TNNI3K: variants seen among roughly 807,000 people sequenced by gnomAD.
TNNI3K encodes TNNI3 interacting kinase.
TNNI3K carries 140 observed loss-of-function variants against 114.5 expected under a neutral mutation model. That is an observed-to-expected ratio of 1.22 (90% CI 1.07 to 1.41). The LOEUF (loss-of-function observed/expected upper bound fraction) is 1.41, where lower values mean the gene tolerates loss of function less well. TNNI3K is among the 40% of genes most tolerant of loss of function. The pLI, the probability that TNNI3K is intolerant of heterozygous loss-of-function variation, is 0.00. For synonymous variants in TNNI3K, 347 were observed against 347.5 expected (o/e 1.00, Z 0.02); for missense variants, 1,125 against 1,007.6 (o/e 1.12, Z -1.58).
chr1:74,354,794 T>A (rs892886707), intron 11 of TNNI3K, among the ~76,000 whole-genome samples: 1 of 152,206 alleles, frequency 6.6e-6, no homozygotes, highest in African/African-American at 2.4e-5. Flanking sequence ...TTAAATGAGA[T>A]AATATACGCA....
chr1:74,373,743 C>G (rs1243232655), intron 17 of TNNI3K: 1 of 151,782 alleles, frequency 6.6e-6, no homozygotes, highest in African/African-American at 2.4e-5. Flanking sequence ...GATGTTTGAG[C>G]CCACGGGATG....
chr1:74,242,881 C>G (rs1654331365), intron 2 of TNNI3K, among the ~76,000 whole-genome samples: 1 of 151,676 alleles, frequency 6.6e-6, no homozygotes, highest in Non-Finnish European at 1.5e-5. Flanking sequence ...CCCTATTGTT[C>G]TCCCTCTCCT....
intron 17 of TNNI3K, among the ~76,000 whole-genome samples, chr1:74,396,889 T>G (rs1383062469): frequency 6.6e-6 from 1 of 152,152 alleles, no homozygotes; most frequent in Non-Finnish European, 1.5e-5. Flanking sequence ...TAGAGGTTAA[T>G]TTTGTGACTA....
At chr1:74,430,287 G>A (rs1665831664) in intron 17 of TNNI3K, among the ~76,000 whole-genome samples, 1 of 152,030 alleles carries the variant, frequency 6.6e-6, no homozygotes, top group African/African-American at 2.4e-5. Context: ...TTCAATACAG[G>A]CAATTAAAAT....
intron 6 of TNNI3K, among the ~76,000 whole-genome samples, chr1:74,332,270 C>T (rs1660241221): frequency 6.6e-6 from 1 of 151,520 alleles, no homozygotes; most frequent in Non-Finnish European, 1.5e-5. Context: ...TCTAATTTTT[C>T]CACAACCCTG....
At chr1:74,520,431 C>G (rs1033535041) in intron 23 of TNNI3K, among the ~76,000 whole-genome samples, 16 of 152,048 alleles carry the variant, frequency 1.1e-4, no homozygotes, top group Non-Finnish European at 2.9e-5. Flanking sequence ...GGATTCTCCT[C>G]TCTTCTCCTT....
At chr1:74,350,248 G>A (rs1661263846) in intron 9 of TNNI3K, among the ~76,000 whole-genome samples, 2 of 152,164 alleles carry the variant, frequency 1.3e-5, no homozygotes, top group African/African-American at 4.8e-5. Flanking sequence ...TCATTCAGGA[G>A]CAGGTTGTTC....
intron 2 of TNNI3K, chr1:74,240,128 G>T: frequency 3.7e-6 from 1 of 272,464 alleles, no homozygotes; most frequent in Non-Finnish European, 7.6e-6. Context: ...TCCATTTATA[G>T]GTCTATCTCC....
chr1:74,370,995 G>C (rs796329346), intron 17 of TNNI3K: 32 of 151,968 alleles, frequency 2.1e-4, no homozygotes, highest in African/African-American at 6.7e-4. Context: ...AAGGTAAAGT[G>C]GGGAGGAGAA....
At chr1:74,484,825 C>T in intron 21 of TNNI3K, among the ~76,000 whole-genome samples, 1 of 152,102 alleles carries the variant, frequency 6.6e-6, no homozygotes. Flanking sequence ...TAGTGAGTGG[C>T]ATTACTTGGT....
intron 21 of TNNI3K, among the ~76,000 whole-genome samples, chr1:74,485,416 T>C (rs1284753686): frequency 6.6e-6 from 1 of 152,068 alleles, no homozygotes; most frequent in African/African-American, 2.4e-5. Context: ...AAACCAGAGA[T>C]TGAGGTAGAA....
chr1:74,298,504 C>A (rs1658125428), intron 5 of TNNI3K, among the ~76,000 whole-genome samples: 1 of 152,108 alleles, frequency 6.6e-6, no homozygotes, highest in Admixed American at 6.6e-5. Flanking sequence ...TTACACTGAT[C>A]TTTTGGTCAC....
chr1:74,510,988 A>G (rs1455781464), intron 23 of TNNI3K, among the ~76,000 whole-genome samples: 5 of 152,044 alleles, frequency 3.3e-5, no homozygotes, highest in Admixed American at 3.3e-4. Context: ...CCCAGGTTCA[A>G]GTGATTCTCC....
intron 17 of TNNI3K, among the ~76,000 whole-genome samples, chr1:74,398,029 G>A (rs966555862): frequency 6.6e-6 from 1 of 152,198 alleles, no homozygotes; most frequent in Non-Finnish European, 1.5e-5. Flanking sequence ...GGTTAAAAAC[G>A]TTTTAGAAAG....
At chr1:74,447,363 A>G (rs1666749454) in intron 20 of TNNI3K, among the ~76,000 whole-genome samples, 1 of 150,034 alleles carries the variant, frequency 6.7e-6, no homozygotes, top group African/African-American at 2.5e-5. Flanking sequence ...GGTGTATAAG[A>G]ATGCTTGTGA....
intron 5 of TNNI3K, among the ~76,000 whole-genome samples, chr1:74,324,886 G>A (rs2100393633): frequency 6.6e-6 from 1 of 152,222 alleles, no homozygotes; most frequent in East Asian, 1.9e-4. Flanking sequence ...AGTTGTGCTA[G>A]GTGTGAGCAT....
intron 17 of TNNI3K, among the ~76,000 whole-genome samples, chr1:74,420,408 T>G (rs1352524136): frequency 1.3e-5 from 2 of 152,148 alleles, no homozygotes; most frequent in Non-Finnish European, 2.9e-5. Context: ...TTTGCTCCCA[T>G]GCAGTGTCTT....
At chr1:74,281,765 G>A (rs1371973665) in intron 5 of TNNI3K, among the ~76,000 whole-genome samples, 2 of 150,986 alleles carry the variant, frequency 1.3e-5, no homozygotes, top group South Asian at 2.1e-4. Context: ...AGAAACATTG[G>A]TTCTTGATAT....
At chr1:74,431,075 A>T (rs1665875400) in intron 17 of TNNI3K, among the ~76,000 whole-genome samples, 1 of 152,190 alleles carries the variant, frequency 6.6e-6, no homozygotes, top group South Asian at 2.1e-4. Context: ...TATTATGTGT[A>T]TTAATAATAG....
Sources: allele counts gnomAD v4.1 joint callset (sites outside exome capture counted in the v4.1 genomes callset), GRCh38; gene constraint gnomAD v4.1.1; transcripts MANE v1.5; gene names NCBI Gene and HGNC (gene_info 2026-07-23, HGNC 2026-07-21).